Variants in RBFOX3 observed in about 807,000 individuals in gnomAD.
RBFOX3 encodes the protein RNA binding fox-1 homolog 3.
RBFOX3 carries 17 observed loss-of-function variants against 48.7 expected under a neutral mutation model. The observed-to-expected ratio is 0.35, with a 90% confidence interval of 0.24 to 0.52. The LOEUF (loss-of-function observed/expected upper bound fraction) is 0.52. Ranked by LOEUF, RBFOX3 falls within the 20% of genes least tolerant of loss-of-function variation. The pLI is 0.94. For synonymous variants in RBFOX3, 212 were observed against 209.5 expected, an observed-to-expected ratio of 1.01 and a Z score of -0.10; for missense variants, 382 against 497.5, an observed-to-expected ratio of 0.77 and a Z score of 2.21.
chr17:79,181,962 A>AACACAC (rs56842759), intron 4 of RBFOX3, among the ~76,000 whole-genome samples: 2,280 of 148,372 alleles, frequency 0.015, 17 homozygotes, highest in Non-Finnish European at 0.024. Context: ...GTCTCCAAGA[A>AACACAC]ACACACACAC....
In RBFOX3 at chr17:79,318,827, C is replaced by A. The variant is rs1349629196; in HGVS notation, c.-174-11003G>T. On this transcript the variant is annotated intron_variant, in intron 2 of 14. Coordinates refer to ENST00000693108, the MANE Select transcript of RBFOX3 (RefSeq NM_001350451.2). ...CCGAGATTGCGCCACTGCACTCCAG[C>A]CTGGGTGACAGAGCGAGACTCCATC... 1.7e-4 allele frequency among the ~76,000 whole-genome samples: 20 copies of A among 118,708 alleles called. No individual in the cohort carries two copies. In the Admixed American group the frequency reaches 2.3e-3, roughly 14 times the overall value. The allele number at this position is 118,708 out of a possible 152,430, so 77.9% of individuals were successfully genotyped here.
At chr17:79,459,925 T>A (rs2149252596) in intron 2 of RBFOX3, among the ~76,000 whole-genome samples, 1 of 152,248 alleles carries the variant, frequency 6.6e-6, no homozygotes, top group African/African-American at 2.4e-5. Context: ...GTTGAATGGA[T>A]AAACTCAATG....
intron 4 of RBFOX3, among the ~76,000 whole-genome samples, chr17:79,230,539 G>A (rs1434759734): frequency 6.6e-6 from 1 of 152,098 alleles, no homozygotes. Context: ...GATTACAGGG[G>A]TGAGCCACGG....
chr17:79,655,235 G>A, the RBFOX3 span, among the ~76,000 whole-genome samples: 97,021 of 152,064 alleles, frequency 0.64, 36,252 homozygotes, highest in Non-Finnish European at 0.83. Flanking sequence ...ACCTAAGTCC[G>A]CAGGGGGAAA....
intron 3 of RBFOX3, among the ~76,000 whole-genome samples, chr17:79,257,459 T>C (rs2065064075): frequency 6.6e-6 from 1 of 152,208 alleles, no homozygotes; most frequent in Non-Finnish European, 1.5e-5. Flanking sequence ...GAGCACAGCC[T>C]GTGCTGAGTG....
intron 4 of RBFOX3, among the ~76,000 whole-genome samples, chr17:79,187,735 G>C (rs1310009254): frequency 6.6e-6 from 1 of 152,144 alleles, no homozygotes; most frequent in Non-Finnish European, 1.5e-5. Flanking sequence ...TCCCAATTCA[G>C]CAGCCAGGGC....
Position 79,164,337 on chromosome 17 carries a change from G to A in RBFOX3, c.-33-48589C>T, listed in dbSNP as rs112375516. Among the ~76,000 whole-genome samples the A allele has an allele frequency of 4.9e-3, 748 of 152,316 alleles. 3 individuals are homozygous for A. The highest frequency in any genetic ancestry group is 0.017 in the African/African-American group (707 of 41,566). On this transcript the variant is annotated intron_variant, in intron 4 of 14. Transcript: ENST00000693108. Reference sequence around the variant, plus strand: ...CTAAGGACTTCCTGTGGGCAGCACCGTGCTGAGCTCGTGGGGTCATCCCAC... The same window carrying A: ...CTAAGGACTTCCTGTGGGCAGCACCATGCTGAGCTCGTGGGGTCATCCCAC...
At chr17:79,616,508 C>T in the RBFOX3 span, among the ~76,000 whole-genome samples, 1 of 150,352 alleles carries the variant, frequency 6.7e-6, no homozygotes, top group South Asian at 2.1e-4. Flanking sequence ...TGCACTCCGG[C>T]TTGGGCGACA....
chr17:79,641,318 G>A, the RBFOX3 span, among the ~76,000 whole-genome samples: 1 of 152,320 alleles, frequency 6.6e-6, no homozygotes. Flanking sequence ...GGGCAAGGAT[G>A]CGAAGAAAAG....
chr17:79,606,287 A>C (rs2093828578), intron 1 of RBFOX3, among the ~76,000 whole-genome samples: 1 of 152,192 alleles, frequency 6.6e-6, no homozygotes, highest in Non-Finnish European at 1.5e-5. Flanking sequence ...GCTTTGGGAG[A>C]AAACATACTT....
chr17:79,606,869 A>G lies in RBFOX3; in HGVS notation c.-320+3957T>C, dbSNP rs2093843036. The stretch of plus-strand genomic sequence containing the variant: ...CACACACTAAGCATCCGCGCCACTC[A>G]GAAAGCACAGGAGGAAAAAAGAGTT... On this transcript the variant is annotated intron_variant, in intron 1 of 14. Transcript: ENST00000693108. Among the ~76,000 whole-genome samples the G allele has an allele frequency of 3.9e-5, 6 of 152,074 alleles. No homozygotes were observed. The South Asian group carries it at 1.2e-3, about 32-fold the overall frequency.
At chr17:79,620,636 C>T in the RBFOX3 span, among the ~76,000 whole-genome samples, 1 of 22,984 alleles carries the variant, frequency 4.4e-5, no homozygotes, top group African/African-American at 6.4e-5. Flanking sequence ...CACACACGCA[C>T]ACGCACACAC....
the RBFOX3 span, among the ~76,000 whole-genome samples, chr17:79,634,439 T>C: frequency 1.2e-3 from 183 of 152,312 alleles, no homozygotes; most frequent in Non-Finnish European, 2.0e-3. Context: ...CAAAGTGGGC[T>C]TTCTGGGCCA....
chr17:79,656,683 G>GA, the RBFOX3 span, among the ~76,000 whole-genome samples: 120 of 39,540 alleles, frequency 3.0e-3, 6 homozygotes, highest in East Asian at 0.02. Flanking sequence ...GAAGGAAGGA[G>GA]GGAAGGAAGG....
At position 79,254,355 on chromosome 17, in the gene RBFOX3, T is replaced by C. The variant is rs1003826426; in HGVS notation, c.-73-18550A>G. On this transcript the variant is annotated intron_variant, in intron 3 of 14. Coordinates refer to ENST00000693108, the MANE Select transcript of RBFOX3 (RefSeq NM_001350451.2). The surrounding 1 kb of genome is among the most constrained non-coding windows in gnomAD (Gnocchi z 4.8). ...CCAGGTGGCAGCAGGTGAGGAACCT[T>C]ACTCCTGAGACCCTCAGCCCTAGCT... Among the ~76,000 whole-genome samples the C allele has an allele frequency of 1.3e-5, 2 of 152,040 alleles. No individual in the cohort carries two copies. Among genetic ancestry groups the C allele is most frequent in the African/African-American group, 4.8e-5 (2 of 41,390 alleles).
intron 1 of RBFOX3, among the ~76,000 whole-genome samples, chr17:79,529,295 C>T (rs1054047285): frequency 2.6e-5 from 4 of 152,256 alleles, no homozygotes; most frequent in African/African-American, 7.2e-5. Flanking sequence ...ATCCCCCCAC[C>T]GCATCACCCA....
rs1288244511 is a variant in RBFOX3, at chr17:79,249,685, C to T, written c.-73-13880G>A. ...GCCAGCCCCAAAACCACTTCCCCTG[C>T]CTCGCCCGTTCCTTCCTAGGGAAAC... On this transcript the variant is annotated intron_variant, in intron 3 of 14. Coordinates refer to ENST00000693108, the MANE Select transcript of RBFOX3 (RefSeq NM_001350451.2). This position sits in a 1 kb window ranked among gnomAD's most constrained non-coding sequence, Gnocchi z 4.1. 6.9e-6 allele frequency among the ~76,000 whole-genome samples: 1 copy of T among 145,884 alleles called. No individual in the cohort carries two copies. The highest frequency in any genetic ancestry group is 1.6e-5 in the Non-Finnish European group (1 of 64,294).
At chr17:79,190,432 C>CTATAACAA (rs1555596697) in intron 4 of RBFOX3, among the ~76,000 whole-genome samples, 2 of 114,736 alleles carry the variant, frequency 1.7e-5, no homozygotes, top group Non-Finnish European at 3.7e-5. Flanking sequence ...AAAAAAAAAA[C>CTATAACAA]AAAAAAACAG....
intron 2 of RBFOX3, among the ~76,000 whole-genome samples, chr17:79,322,848 C>T (rs377530834): frequency 1.4e-3 from 207 of 152,312 alleles, no homozygotes; most frequent in Non-Finnish European, 2.2e-3. Context: ...AAGTCCCTTG[C>T]CCAGAAGTTG....
Sources: gnomAD v4.1 joint callset for allele counts (sites outside exome capture counted in the v4.1 genomes callset) on GRCh38, gnomAD v4.1.1 for gene constraint, Gnocchi (gnomAD v3.1) non-coding constraint, MANE v1.5 for transcripts, NCBI Gene and HGNC (gene_info 2026-07-23, HGNC 2026-07-21) for gene names.